Variants in ARID4B observed in about 807,000 individuals in gnomAD.
The protein encoded by ARID4B is AT-rich interaction domain 4B, also known as AT-rich interactive domain-containing protein 4B.
ARID4B carries 26 observed loss-of-function variants against 147.5 expected under a neutral mutation model. The ratio of observed to expected loss-of-function variants is 0.18; its 90% CI spans 0.13 to 0.24. The LOEUF (loss-of-function observed/expected upper bound fraction) is 0.24. ARID4B is among the 10% of genes least tolerant of loss of function. The probability of loss-of-function intolerance (pLI) is 1.00; values close to 1 mark genes in which losing one functional copy is unlikely to be tolerated. For missense variants in ARID4B, 1,179 were observed against 1,511.5 expected (o/e 0.78, Z 3.65); for synonymous variants, 512 against 507.9 (o/e 1.01, Z -0.11).
chr1:235,243,446 G>T (rs1295486629), intron 7 of ARID4B, among the ~76,000 whole-genome samples: 2 of 152,042 alleles, frequency 1.3e-5, no homozygotes, highest in Non-Finnish European at 2.9e-5. Flanking sequence ...TTCTTTGGTG[G>T]CAAGGTATTT....
intron 23 of ARID4B, among the ~76,000 whole-genome samples, chr1:235,172,002 C>T (rs1171505411): frequency 1.3e-5 from 2 of 152,166 alleles, no homozygotes; most frequent in Admixed American, 6.5e-5. Context: ...CAAAAATATA[C>T]TGACCATTTG....
At chr1:235,248,771 C>T (rs1669459373) in intron 6 of ARID4B, among the ~76,000 whole-genome samples, 1 of 152,190 alleles carries the variant, frequency 6.6e-6, no homozygotes, top group Non-Finnish European at 1.5e-5. Flanking sequence ...CTGTCCCTAT[C>T]TCAATGTCCA....
intron 15 of ARID4B, 55 bp downstream of exon 15, chr1:235,220,247 G>A: frequency 2.7e-6 from 4 of 1,489,542 alleles, no homozygotes; most frequent in Non-Finnish European, 3.6e-6. Flanking sequence ...ACTTTATAGA[G>A]GATATGGAAA....
At chr1:235,215,294 A>G (rs894054002) in intron 16 of ARID4B, among the ~76,000 whole-genome samples, 3 of 152,098 alleles carry the variant, frequency 2.0e-5, no homozygotes, top group Admixed American at 6.5e-5. Context: ...TTTTTAAAAA[A>G]TTTCAATATG....
At chr1:235,262,809 A>G (rs541090252) in intron 2 of ARID4B, among the ~76,000 whole-genome samples, 1 of 151,902 alleles carries the variant, frequency 6.6e-6, no homozygotes, top group Non-Finnish European at 1.5e-5. Context: ...TCAATTAATT[A>G]AAAAAAAATT....
chr1:235,171,753 C>T (rs565393668), intron 23 of ARID4B, among the ~76,000 whole-genome samples: 68 of 152,106 alleles, frequency 4.5e-4, no homozygotes, highest in South Asian at 2.3e-3. Context: ...AATTCTCCTG[C>T]GTCGGCCTCC....
chr1:235,287,821 T>C (rs1672083740), intron 2 of ARID4B, among the ~76,000 whole-genome samples: 1 of 152,244 alleles, frequency 6.6e-6, no homozygotes, highest in Admixed American at 6.5e-5. Context: ...AAAAAGCAAA[T>C]GTCTCCTTTT....
At chr1:235,284,274 C>T (rs560521444) in intron 2 of ARID4B, among the ~76,000 whole-genome samples, 28 of 152,210 alleles carry the variant, frequency 1.8e-4, no homozygotes, top group African/African-American at 5.8e-4. Flanking sequence ...GCAGAAGAAT[C>T]GCTTGAACCT....
chr1:235,175,847 C>T (rs1462649777), intron 21 of ARID4B, among the ~76,000 whole-genome samples: 2 of 152,144 alleles, frequency 1.3e-5, no homozygotes, highest in African/African-American at 4.8e-5. Flanking sequence ...ATAAAGAACT[C>T]CTCGGGAATA....
intron 2 of ARID4B, among the ~76,000 whole-genome samples, chr1:235,308,095 T>C (rs1673706600): frequency 1.5e-5 from 2 of 134,776 alleles, no homozygotes. Flanking sequence ...TTTTTTTTTT[T>C]TTTTTTTTTT....
chr1:235,284,867 G>A (rs1051738162), intron 2 of ARID4B, among the ~76,000 whole-genome samples: 5 of 151,948 alleles, frequency 3.3e-5, no homozygotes, highest in African/African-American at 9.7e-5. Context: ...CATCTCTACA[G>A]ACCAATATCC....
At chr1:235,248,847 A>G (rs1669464219) in intron 6 of ARID4B, among the ~76,000 whole-genome samples, 1 of 152,196 alleles carries the variant, frequency 6.6e-6, no homozygotes, top group South Asian at 2.1e-4. Context: ...AATTTGTCCC[A>G]TCTTAGACCT....
rs199799347 is a variant in ARID4B at position 235,260,649 on chromosome 1, T to C, written c.110A>G (p.Lys37Arg). 2.9e-5 allele frequency: 46 copies of C among 1,601,620 alleles called. No homozygotes were observed. Among genetic ancestry groups the C allele is most frequent in the Non-Finnish European group, 3.9e-5 (46 of 1,173,396 alleles). The change falls in exon 3 of 24, where the codon AAA becomes AGA. Residue 37 changes from lysine (K) to arginine (R), a missense_variant. Coordinates refer to ENST00000264183, the MANE Select transcript of ARID4B (RefSeq NM_016374.6). ...AKIKTAKRLV[K>R]VKVTFRHDSS... is the part of the protein sequence containing the mutation. ...AATCTATAAATACTGTACCTTGACT[T>C]TGACAAGTCTTTTTGCTGTCTTGAT...
intron 14 of ARID4B, 63 bp from the exon 15 acceptor site, chr1:235,220,608 T>G (rs1322897227): frequency 8.0e-7 from 1 of 1,245,688 alleles, no homozygotes; most frequent in Non-Finnish European, 1.1e-6. Flanking sequence ...ATAGAGTTAT[T>G]TTTAATGTGT....
chr1:235,308,570 C>G (rs968204290), intron 2 of ARID4B, among the ~76,000 whole-genome samples: 2 of 152,146 alleles, frequency 1.3e-5, no homozygotes, highest in Non-Finnish European at 2.9e-5. Context: ...ACTGCAACCT[C>G]CCTGCCTGAT....
chr1:235,191,380 C>G (rs1665096560), intron 19 of ARID4B, among the ~76,000 whole-genome samples: 1 of 151,968 alleles, frequency 6.6e-6, no homozygotes, highest in Non-Finnish European at 1.5e-5. Context: ...TCCCAAGTAG[C>G]TGGGATTACA....
intron 17 of ARID4B, among the ~76,000 whole-genome samples, chr1:235,206,552 A>C (rs1243650560): frequency 1.3e-5 from 2 of 152,216 alleles, no homozygotes; most frequent in Non-Finnish European, 2.9e-5. Flanking sequence ...GAAGACAGAA[A>C]AGATAATTGA....
At chr1:235,301,511 C>A (rs893540728) in intron 2 of ARID4B, among the ~76,000 whole-genome samples, 2 of 149,424 alleles carry the variant, frequency 1.3e-5, no homozygotes, top group Non-Finnish European at 3.0e-5. Context: ...TGTACTCCAG[C>A]CGGTGAGAGT....
intron 8 of ARID4B, among the ~76,000 whole-genome samples, chr1:235,238,135 C>A (rs1476317915): frequency 9.6e-6 from 1 of 104,238 alleles, no homozygotes; most frequent in Non-Finnish European, 1.9e-5. Context: ...AAGGGCGAAA[C>A]TCCATCTCAA....
Sources: allele counts gnomAD v4.1 joint callset (sites outside exome capture counted in the v4.1 genomes callset), GRCh38; gene constraint gnomAD v4.1.1; transcripts MANE v1.5; gene names NCBI Gene and HGNC (gene_info 2026-07-23, HGNC 2026-07-21).